Variants in NPFFR1 observed in about 807,000 individuals in gnomAD.
The protein encoded by NPFFR1 is neuropeptide FF receptor 1.
In NPFFR1, 17 loss-of-function variants were observed where a neutral mutation model predicts 12.7. The ratio of observed to expected loss-of-function variants is 1.34; its 90% confidence interval spans 0.92 to 2.01. The LOEUF is 2.01. Among genes scored for constraint, NPFFR1 ranks in the 30% most tolerant of loss-of-function variants. NPFFR1 has a pLI of 0.00. For missense variants in NPFFR1, 604 were observed against 606.5 expected, an observed-to-expected ratio of 1.00 and a Z score of 0.04; for synonymous variants, 296 against 264.5, an observed-to-expected ratio of 1.12 and a Z score of -1.16.
At chr10:70,265,956 G>A (rs1199332586) in intron 2 of NPFFR1, 121 bp downstream of exon 2, 5 of 883,102 alleles carry the variant, frequency 5.7e-6, no homozygotes, top group Non-Finnish European at 8.9e-6. Context: ...TCGAGACCAC[G>A]GCATGGCCAA....
intron 3 of NPFFR1, 45 bp downstream of exon 3, chr10:70,260,595 A>G: frequency 6.6e-7 from 1 of 1,504,908 alleles, no homozygotes; most frequent in Non-Finnish European, 9.1e-7. Context: ...TCTTAATGCC[A>G]GGCCCTAGTT....
chr10:70,279,594 G>A (rs1286159204), intron 1 of NPFFR1, among the ~76,000 whole-genome samples: 1 of 151,946 alleles, frequency 6.6e-6, no homozygotes, highest in Non-Finnish European at 1.5e-5. Context: ...CGAGTAGCTG[G>A]GATTACAAGT....
chr10:70,279,829 C>CA (rs1301388017), intron 1 of NPFFR1, among the ~76,000 whole-genome samples: 2 of 151,976 alleles, frequency 1.3e-5, no homozygotes, highest in Non-Finnish European at 2.9e-5. Context: ...CAATAGAATT[C>CA]AAAAAAAGAA....
intron 1 of NPFFR1, among the ~76,000 whole-genome samples, chr10:70,283,014 G>T (rs1468410094): frequency 6.6e-6 from 1 of 152,068 alleles, no homozygotes; most frequent in Admixed American, 6.6e-5. Flanking sequence ...AGCAGACAAA[G>T]TCGGTGACAA....
chr10:70,257,188 G>C (rs1016794453), intron 3 of NPFFR1, among the ~76,000 whole-genome samples: 1 of 152,206 alleles, frequency 6.6e-6, no homozygotes. Flanking sequence ...TTGAGTCCAG[G>C]AGTGTAGGGA....
In NPFFR1 at chr10:70,255,801, C is replaced by A. The variant is rs1410739838; in HGVS notation, c.449G>T (p.Arg150Leu). The change falls in exon 4 of 4, where the codon CGC (arginine) becomes CTC (leucine). Residue 150 changes from arginine to leucine, a missense_variant. Coordinates refer to ENST00000277942, the MANE Select transcript of NPFFR1 (RefSeq NM_022146.5). This position sits in a 1 kb window ranked among gnomAD's most constrained non-coding sequence, Gnocchi z 4.2. ...CGCCTTCCGCAGGGTCAGCTTCTCG[C>A]GGAAAGGGTGCACGATGCAGCGGAA... The part of the protein sequence containing the change: ...ERFRCIVHPF[R>L]EKLTLRKALV... 4 of 1,609,932 alleles carry A rather than the reference C, an allele frequency of 2.5e-6. No homozygotes were observed. The Admixed American group carries it at 5.0e-5, about 20-fold the overall frequency.
At chr10:70,263,170 A>T (rs534572288) in intron 2 of NPFFR1, among the ~76,000 whole-genome samples, 1 of 152,310 alleles carries the variant, frequency 6.6e-6, no homozygotes, top group African/African-American at 2.4e-5. Context: ...GTGTCTTTTT[A>T]AAAAGCAACA....
At chr10:70,257,453 G>A (rs914346564) in intron 3 of NPFFR1, among the ~76,000 whole-genome samples, 1 of 152,234 alleles carries the variant, frequency 6.6e-6, no homozygotes, top group South Asian at 2.1e-4. Context: ...TTTACAAACA[G>A]TATACTTGGT....
chr10:70,261,843 G>A (rs1199660669), intron 2 of NPFFR1, among the ~76,000 whole-genome samples: 2 of 152,188 alleles, frequency 1.3e-5, no homozygotes, highest in African/African-American at 2.4e-5. Flanking sequence ...GTACAATGGT[G>A]TGATCATGGC....
intron 3 of NPFFR1, among the ~76,000 whole-genome samples, chr10:70,259,292 A>G (rs1162485677): frequency 6.8e-6 from 1 of 147,836 alleles, no homozygotes; most frequent in East Asian, 2.0e-4. Context: ...TCCCCCCTCA[A>G]AAAAAAAAAA....
intron 1 of NPFFR1, among the ~76,000 whole-genome samples, chr10:70,276,604 T>TC (rs1840807085): frequency 8.7e-6 from 1 of 114,626 alleles, no homozygotes; most frequent in Non-Finnish European, 1.9e-5. Flanking sequence ...TTTTTTTTTT[T>TC]GGAGATGAAG....
Position 70,257,662 on chromosome 10 carries a change from A to T in NPFFR1, c.423-1835T>A, listed in dbSNP as rs1211227966. Among the ~76,000 whole-genome samples, 11 of 152,228 alleles carry T rather than the reference A, an allele frequency of 7.2e-5. No individual in the cohort carries two copies. In the South Asian group the frequency reaches 1.0e-3, roughly 14 times the overall value. On this transcript the variant is annotated intron_variant, in intron 3 of 3. Transcript: ENST00000277942. Reference sequence around the variant, plus strand: ...CTGTAAAGGGTCTGTGCTGAGGTGGATTAGTAAAAGAGGAAAGCCTCTTGC... The same window carrying T: ...CTGTAAAGGGTCTGTGCTGAGGTGGTTTAGTAAAAGAGGAAAGCCTCTTGC...
chr10:70,277,236 C>T (rs1490396336), intron 1 of NPFFR1, among the ~76,000 whole-genome samples: 4 of 152,196 alleles, frequency 2.6e-5, no homozygotes, highest in Admixed American at 2.6e-4. Flanking sequence ...GTCTTCAGGA[C>T]AAAGCTGGAA....
At chr10:70,274,980 C>T (rs1422204129) in intron 1 of NPFFR1, among the ~76,000 whole-genome samples, 1 of 152,176 alleles carries the variant, frequency 6.6e-6, no homozygotes, top group Non-Finnish European at 1.5e-5. Context: ...ACTATAACCT[C>T]CTACTGTTCC....
At chr10:70,279,724 G>T (rs1049780902) in intron 1 of NPFFR1, among the ~76,000 whole-genome samples, 4 of 152,216 alleles carry the variant, frequency 2.6e-5, no homozygotes, top group African/African-American at 9.7e-5. Context: ...GCCTCCCAAA[G>T]TGCTCTGATT....
intron 1 of NPFFR1, among the ~76,000 whole-genome samples, chr10:70,275,079 G>C (rs1312634227): frequency 1.3e-5 from 2 of 152,226 alleles, no homozygotes; most frequent in Non-Finnish European, 2.9e-5. Flanking sequence ...TGGTGAATGA[G>C]AGCAGGTTGC....
intron 2 of NPFFR1, 47 bp from the exon 3 acceptor site, chr10:70,260,786 A>G (rs773021091): frequency 2.0e-6 from 3 of 1,505,830 alleles, no homozygotes; most frequent in Non-Finnish European, 2.7e-6. Context: ...CCACGCATCA[A>G]GAGCCAGAGA....
At position 70,283,767 on chromosome 10, in the gene NPFFR1, C is replaced by G; in HGVS notation, c.-91G>C. On this transcript the variant is annotated 5_prime_UTR_variant, in exon 1 of 4. Coordinates refer to ENST00000277942, the MANE Select transcript of NPFFR1 (RefSeq NM_022146.5). ...CGGGCAGAGGGACGGTCTCCGGGCA[C>G]TTGGTTGCGGGCTGCGCCCCTGCCT... 2.1e-6 allele frequency: 3 copies of G among 1,440,324 alleles called. No individual in the cohort carries two copies. The highest frequency in any genetic ancestry group is 2.8e-6 in the Non-Finnish European group (3 of 1,062,772). 89.2% of individuals were successfully genotyped at this position (1,440,324 alleles called of 1,614,324 possible). A position where few individuals can be genotyped will look rare whatever the true frequency, so the allele number is the denominator to read the frequency against.
At position 70,247,523 on chromosome 10, in the gene NPFFR1, A is replaced by C. The variant is rs1045178628; in HGVS notation, c.*7434T>G. On this transcript the variant is annotated 3_prime_UTR_variant, in exon 4 of 4. Transcript: ENST00000277942. ...CTCCTGGGGGGCAGTCAAAACACAG[A>C]AATGTAGATCGCTCAGTCACTGAAA... 3.9e-5 allele frequency: 6 copies of C among 152,210 alleles called. No individual in the cohort carries two copies. Among genetic ancestry groups the C allele is most frequent in the Non-Finnish European group, 8.8e-5 (6 of 68,046 alleles). 9.4% of individuals were successfully genotyped at this position (152,210 alleles called of 1,614,324 possible).
Sources: allele counts gnomAD v4.1 joint callset (sites outside exome capture counted in the v4.1 genomes callset), GRCh38; gene constraint gnomAD v4.1.1; non-coding constraint Gnocchi (gnomAD v3.1); transcripts MANE v1.5; gene names NCBI Gene and HGNC (gene_info 2026-07-23, HGNC 2026-07-21).